Variants in OPCML observed in about 807,000 individuals in gnomAD.
The protein encoded by OPCML is opioid-binding protein/cell adhesion molecule.
OPCML carries 13 observed loss-of-function variants against 37.8 expected under a neutral mutation model. The observed-to-expected ratio is 0.34, with a 90% CI of 0.22 to 0.55. The LOEUF (loss-of-function observed/expected upper bound fraction) is 0.55, where lower values mean the gene tolerates loss of function less well. OPCML is among the 20% of genes least tolerant of loss of function. The probability of loss-of-function intolerance (pLI) is 0.91; values close to 1 mark genes in which losing one functional copy is unlikely to be tolerated. For synonymous variants in OPCML, 176 were observed against 168.8 expected (o/e 1.04, Z -0.33); for missense variants, 341 against 435.6 (o/e 0.78, Z 1.93).
chr11:132,552,761 C>CCCTTTTTTTTTTTTTTTT (rs1337627753), intron 3 of OPCML, among the ~76,000 whole-genome samples: 1 of 67,476 alleles, frequency 1.5e-5, no homozygotes, highest in African/African-American at 1.1e-4. Flanking sequence ...TTAAACACTA[C>CCCTTTTTTTTTTTTTTTT]TCTTTTTTTT....
intron 1 of OPCML, among the ~76,000 whole-genome samples, chr11:133,253,147 A>C (rs1255241025): frequency 1.4e-5 from 2 of 138,462 alleles, no homozygotes; most frequent in Non-Finnish European, 3.0e-5. Context: ...CTCTGTCTCA[A>C]AAAAAAAAAA....
At chr11:132,880,494 T>A (rs1943187612) in intron 2 of OPCML, among the ~76,000 whole-genome samples, 1 of 152,232 alleles carries the variant, frequency 6.6e-6, no homozygotes, top group Non-Finnish European at 1.5e-5. Context: ...AGGATTCATA[T>A]GAATTAAGCA....
chr11:133,086,307 C>T (rs1020894054), intron 1 of OPCML, among the ~76,000 whole-genome samples: 16 of 152,064 alleles, frequency 1.1e-4, no homozygotes, highest in African/African-American at 3.1e-4. Flanking sequence ...AAAAGCCTAA[C>T]ATAAAATGTG....
chr11:133,359,763 G>A (rs1436021406), intron 1 of OPCML, among the ~76,000 whole-genome samples: 1 of 152,142 alleles, frequency 6.6e-6, no homozygotes, highest in Admixed American at 6.5e-5. Flanking sequence ...TCATGGAATG[G>A]AGCATATTTA....
chr11:133,296,090 A>G (rs1267607156), intron 1 of OPCML, among the ~76,000 whole-genome samples: 2 of 152,240 alleles, frequency 1.3e-5, no homozygotes, highest in East Asian at 1.9e-4. Flanking sequence ...AGAACATAAC[A>G]TAAACATTAA....
intron 1 of OPCML, among the ~76,000 whole-genome samples, chr11:133,336,798 A>T (rs1333608185): frequency 6.6e-6 from 1 of 152,180 alleles, no homozygotes; most frequent in Non-Finnish European, 1.5e-5. Flanking sequence ...GAAAAGAATG[A>T]GGACTTCTTC....
At chr11:132,768,045 T>G (rs1351584619) in intron 2 of OPCML, among the ~76,000 whole-genome samples, 1 of 152,202 alleles carries the variant, frequency 6.6e-6, no homozygotes, top group Non-Finnish European at 1.5e-5. Context: ...CTCAAAGAGA[T>G]GGTGTTGACC....
At chr11:133,296,356 G>C (rs1340974150) in intron 1 of OPCML, among the ~76,000 whole-genome samples, 1 of 152,128 alleles carries the variant, frequency 6.6e-6, no homozygotes, top group Non-Finnish European at 1.5e-5. Flanking sequence ...GTCATTGTCA[G>C]CCCATGATTT....
chr11:133,343,400 A>C (rs2136675500), intron 1 of OPCML, among the ~76,000 whole-genome samples: 1 of 152,306 alleles, frequency 6.6e-6, no homozygotes, highest in East Asian at 1.9e-4. Flanking sequence ...AATTTTGTTA[A>C]TTAAAGCAAT....
At chr11:132,597,037 T>C (rs1283191732) in intron 3 of OPCML, among the ~76,000 whole-genome samples, 1 of 152,134 alleles carries the variant, frequency 6.6e-6, no homozygotes, top group Non-Finnish European at 1.5e-5. Flanking sequence ...AGACAGCAAA[T>C]AGCATTTATT....
At chr11:133,043,654 T>A (rs1470288373) in intron 1 of OPCML, among the ~76,000 whole-genome samples, 1 of 152,196 alleles carries the variant, frequency 6.6e-6, no homozygotes, top group East Asian at 1.9e-4. Context: ...AGAGCCTTCC[T>A]CCTCATGCAT....
At chr11:132,549,415 A>G (rs897776069) in intron 3 of OPCML, among the ~76,000 whole-genome samples, 6 of 152,226 alleles carry the variant, frequency 3.9e-5, no homozygotes, top group Non-Finnish European at 5.9e-5. Flanking sequence ...AGAAATAACC[A>G]TAAGTATATT....
chr11:132,713,928 A>G (rs1171384512), intron 2 of OPCML, among the ~76,000 whole-genome samples: 2 of 152,222 alleles, frequency 1.3e-5, no homozygotes, highest in African/African-American at 2.4e-5. Context: ...AATAGACAAA[A>G]ATTATCATTA....
In OPCML at chr11:132,748,427, C is replaced by A. The variant is rs189610591; in HGVS notation, c.147-91108G>T. ...CTACAAAAGAGTGCCCAGCATCATG[C>A]AGCTTATCTTCTAGTGGGAGAGTTA... On this transcript the variant is annotated intron_variant, in intron 2 of 7. Transcript: ENST00000524381. Among the ~76,000 whole-genome samples the A allele has an allele frequency of 2.6e-5, 4 of 152,288 alleles. No individual in the cohort carries two copies. In the East Asian group the frequency reaches 7.7e-4, roughly 29 times the overall value.
chr11:133,305,283 T>C (rs1004010691), intron 1 of OPCML, among the ~76,000 whole-genome samples: 3 of 152,188 alleles, frequency 2.0e-5, no homozygotes, highest in African/African-American at 7.2e-5. Context: ...GCTTCCCCCC[T>C]GTACCCCTCT....
intron 2 of OPCML, among the ~76,000 whole-genome samples, chr11:132,868,296 A>ATTTTT (rs67534174): frequency 3.9e-5 from 3 of 77,466 alleles, no homozygotes; most frequent in East Asian, 4.4e-4. Context: ...TGAGGCTGTG[A>ATTTTT]TTTTTTTTTT....
At chr11:132,455,605 G>T (rs1340103845) in intron 4 of OPCML, among the ~76,000 whole-genome samples, 1 of 152,082 alleles carries the variant, frequency 6.6e-6, no homozygotes, top group Non-Finnish European at 1.5e-5. Context: ...TGCCAGTCCC[G>T]TCATTTTCAA....
chr11:132,556,946 G>A (rs11223119), intron 3 of OPCML, among the ~76,000 whole-genome samples: 47,758 of 152,086 alleles, frequency 0.31, 9,275 homozygotes, highest in Non-Finnish European at 0.44. Context: ...CCATGAGGAA[G>A]AGAGTTCTGA....
intron 1 of OPCML, among the ~76,000 whole-genome samples, chr11:132,970,471 T>C (rs1946316579): frequency 6.6e-6 from 1 of 152,204 alleles, no homozygotes; most frequent in African/African-American, 2.4e-5. Flanking sequence ...CAGAATCATA[T>C]TTACTTGATT....
Sources: gnomAD v4.1 joint callset for allele counts (sites outside exome capture counted in the v4.1 genomes callset) on GRCh38, gnomAD v4.1.1 for gene constraint, MANE v1.5 for transcripts, NCBI Gene and HGNC (gene_info 2026-07-23, HGNC 2026-07-21) for gene names.